The following RTN1 variants were observed in gnomAD, a reference collection of about 807,000 sequenced individuals.
RTN1 encodes the protein reticulon 1.
Under a neutral mutation model 65.5 loss-of-function variants are expected in RTN1, and 25 were observed. The observed-to-expected ratio is 0.38, with a 90% confidence interval of 0.28 to 0.53. The LOEUF is 0.53. Among genes scored for constraint, RTN1 ranks in the 20% least tolerant of loss-of-function variants. The probability of loss-of-function intolerance (pLI) is 0.79; values close to 1 mark genes in which losing one functional copy is unlikely to be tolerated. For synonymous variants in RTN1, 471 were observed against 447.6 expected, an observed-to-expected ratio of 1.05 and a Z score of -0.66; for missense variants, 983 against 1,025.4, an observed-to-expected ratio of 0.96 and a Z score of 0.57.
chr14:59,687,322 T>A (rs1210340601), intron 3 of RTN1, among the ~76,000 whole-genome samples: 3 of 152,036 alleles, frequency 2.0e-5, no homozygotes, highest in Non-Finnish European at 4.4e-5. Flanking sequence ...AAGGACCCTC[T>A]CCACTCCATG....
intron 1 of RTN1, among the ~76,000 whole-genome samples, chr14:59,808,341 C>T (rs1262733790): frequency 6.6e-6 from 1 of 152,040 alleles, no homozygotes; most frequent in Non-Finnish European, 1.5e-5. Context: ...ATAAATAATC[C>T]CAAACTGCTA....
chr14:59,666,463 C>T (rs1883376868), intron 3 of RTN1, among the ~76,000 whole-genome samples: 1 of 152,120 alleles, frequency 6.6e-6, no homozygotes, highest in South Asian at 2.1e-4. Context: ...AAATTTATAA[C>T]CCTAAATGTC....
chr14:59,850,191 GCTC>G (rs1382366972), intron 1 of RTN1, among the ~76,000 whole-genome samples: 1 of 152,128 alleles, frequency 6.6e-6, no homozygotes, highest in Admixed American at 6.6e-5. Context: ...TTATACAGGT[GCTC>G]CTCAACTTAT....
In RTN1 at chr14:59,761,440, A is replaced by T. The variant is rs961674884; in HGVS notation, c.242-14959T>A. 3.5e-4 allele frequency among the ~76,000 whole-genome samples: 53 copies of T among 152,188 alleles called. 1 individual carries two copies. Among genetic ancestry groups the T allele is most frequent in the African/African-American group, 1.2e-3 (50 of 41,446 alleles). On this transcript the variant is annotated intron_variant, in intron 1 of 8. Coordinates refer to ENST00000267484, the MANE Select transcript of RTN1 (RefSeq NM_021136.3). ...CTTGCCTGCTACCATGTAAGATGTG[A>T]CTTTGCTCCTCATTTGCCTTCTGCT...
intron 3 of RTN1, among the ~76,000 whole-genome samples, chr14:59,607,929 C>T (rs1366707468): frequency 6.6e-6 from 1 of 151,622 alleles, no homozygotes; most frequent in East Asian, 1.9e-4. Flanking sequence ...AGAGAGAGCC[C>T]CTGGAGCTGA....
chr14:59,651,196 C>A (rs1030918622), intron 3 of RTN1, among the ~76,000 whole-genome samples: 2 of 151,940 alleles, frequency 1.3e-5, no homozygotes, highest in Admixed American at 1.3e-4. Flanking sequence ...ACACATAGAG[C>A]CAATGGAACA....
At chr14:59,826,355 T>A (rs1887030834) in intron 1 of RTN1, among the ~76,000 whole-genome samples, 1 of 152,204 alleles carries the variant, frequency 6.6e-6, no homozygotes, top group Non-Finnish European at 1.5e-5. Flanking sequence ...AATGACACTG[T>A]ATATAAAACA....
Position 59,622,779 on chromosome 14 carries a change from C to T in RTN1, c.1766-15287G>A, listed in dbSNP as rs199798197. ...TGAGTTTCATTTACCAAGATAGTAT[C>T]CCACATCAGTTGAAGGTTCACATGG... On this transcript the variant is annotated intron_variant, in intron 3 of 8. Coordinates refer to ENST00000267484, the MANE Select transcript of RTN1 (RefSeq NM_021136.3). 9.2e-5 allele frequency among the ~76,000 whole-genome samples: 14 copies of T among 152,244 alleles called. No homozygotes were observed. The East Asian group carries it at 2.3e-3, about 25-fold the overall frequency.
At position 59,790,779 on chromosome 14, in the gene RTN1, A is replaced by G. The variant is rs1886333925; in HGVS notation, c.242-44298T>C. 6.6e-6 allele frequency among the ~76,000 whole-genome samples: 1 copy of G among 151,906 alleles called. No individual in the cohort carries two copies. The highest frequency in any genetic ancestry group is 2.1e-4 in the South Asian group (1 of 4,812). ...GATATACTGATTTTTCTTTGGCTGT[A>G]TCATCTTTGAGTTTTGTATCTATTG... On this transcript the variant is annotated intron_variant, in intron 1 of 8. Coordinates refer to ENST00000267484, the MANE Select transcript of RTN1 (RefSeq NM_021136.3). The surrounding 1 kb of genome is among the most constrained non-coding windows in gnomAD (Gnocchi z 4.1).
At chr14:59,654,986 G>A (rs1883093833) in intron 3 of RTN1, among the ~76,000 whole-genome samples, 2 of 152,238 alleles carry the variant, frequency 1.3e-5, no homozygotes, top group South Asian at 2.1e-4. Context: ...AAAAAGAAAT[G>A]AAAGCCATTG....
At chr14:59,710,015 C>CCTCCT (rs780971553) in intron 3 of RTN1, among the ~76,000 whole-genome samples, 3 of 126,388 alleles carry the variant, frequency 2.4e-5, no homozygotes, top group African/African-American at 8.6e-5. Flanking sequence ...CTTTTTCTTT[C>CCTCCT]CTCCTCTCCT....
chr14:59,659,305 G>T (rs1883192123), intron 3 of RTN1, among the ~76,000 whole-genome samples: 1 of 152,130 alleles, frequency 6.6e-6, no homozygotes, highest in Non-Finnish European at 1.5e-5. Context: ...AACCAAGTTG[G>T]AAAACACTCT....
At chr14:59,625,109 A>T (rs1018277770) in intron 3 of RTN1, among the ~76,000 whole-genome samples, 9 of 152,030 alleles carry the variant, frequency 5.9e-5, no homozygotes, top group African/African-American at 7.2e-5. Flanking sequence ...GGAAAGAGAG[A>T]CTTTTTAAAA....
chr14:59,712,460 C>A (rs1884443433), intron 3 of RTN1, among the ~76,000 whole-genome samples: 1 of 152,142 alleles, frequency 6.6e-6, no homozygotes, highest in Admixed American at 6.5e-5. Context: ...TCCCGAGAGG[C>A]AACCTGTCCC....
intron 3 of RTN1, among the ~76,000 whole-genome samples, chr14:59,726,581 G>A (rs1175876561): frequency 6.6e-6 from 1 of 152,176 alleles, no homozygotes; most frequent in Non-Finnish European, 1.5e-5. Context: ...GAAAAGCATC[G>A]CTTTCCTGGG....
intron 3 of RTN1, among the ~76,000 whole-genome samples, chr14:59,622,564 G>C (rs922488904): frequency 2.6e-5 from 4 of 152,168 alleles, no homozygotes; most frequent in South Asian, 2.1e-4. Context: ...TGTCCAAAGA[G>C]GTGATTAAGA....
intron 1 of RTN1, among the ~76,000 whole-genome samples, chr14:59,789,548 G>A (rs1886310962): frequency 6.6e-6 from 1 of 152,104 alleles, no homozygotes; most frequent in African/African-American, 2.4e-5. Flanking sequence ...AAGCCTCATT[G>A]AAATGGATGC....
intron 3 of RTN1, among the ~76,000 whole-genome samples, chr14:59,655,973 T>C (rs1883115113): frequency 2.0e-5 from 3 of 152,054 alleles, no homozygotes; most frequent in Admixed American, 6.6e-5. Context: ...CAGTCACAAA[T>C]TGAAAACAAC....
chr14:59,827,232 C>T (rs1181328752), intron 1 of RTN1, among the ~76,000 whole-genome samples: 1 of 152,140 alleles, frequency 6.6e-6, no homozygotes, highest in Admixed American at 6.5e-5. Context: ...GCGCCCGCCA[C>T]CACGCCTGGC....
Sources: gnomAD v4.1 joint callset for allele counts (sites outside exome capture counted in the v4.1 genomes callset) on GRCh38, gnomAD v4.1.1 for gene constraint, Gnocchi (gnomAD v3.1) non-coding constraint, MANE v1.5 for transcripts, NCBI Gene and HGNC (gene_info 2026-07-23, HGNC 2026-07-21) for gene names.